Variants in ADAMTSL1 observed in about 807,000 individuals in gnomAD.
ADAMTSL1 encodes the protein ADAMTS-like protein 1.
A neutral mutation model predicts 201.8 loss-of-function variants in ADAMTSL1; 126 were observed. That is an observed-to-expected ratio of 0.62 (90% CI 0.54 to 0.72). The LOEUF (loss-of-function observed/expected upper bound fraction) is 0.72, where lower values mean the gene tolerates loss of function less well. Ranked by LOEUF, ADAMTSL1 falls within the 30% of genes least tolerant of loss-of-function variation. ADAMTSL1 has a pLI of 0.00. For synonymous variants in ADAMTSL1, 1,121 were observed against 903.4 expected (o/e 1.24, Z -4.32); for missense variants, 2,679 against 2,277.8 (o/e 1.18, Z -3.59).
chr9:18,561,157 C>A (rs1419161315), intron 3 of ADAMTSL1, among the ~76,000 whole-genome samples: 1 of 152,020 alleles, frequency 6.6e-6, no homozygotes, highest in Non-Finnish European at 1.5e-5. Flanking sequence ...CCACTTTCTC[C>A]TGTGGGCATT....
intron 1 of ADAMTSL1, among the ~76,000 whole-genome samples, chr9:17,987,255 G>C (rs1818965999): frequency 6.6e-6 from 1 of 152,060 alleles, no homozygotes; most frequent in African/African-American, 2.4e-5. Context: ...TTCACATCTT[G>C]TTTCCTTGTC....
chr9:18,063,934 G>T (rs528758501), intron 1 of ADAMTSL1, among the ~76,000 whole-genome samples: 1 of 151,982 alleles, frequency 6.6e-6, no homozygotes, highest in African/African-American at 2.4e-5. Context: ...TTTCCGTGCC[G>T]GTTTAGAATC....
chr9:18,504,770 A>C, intron 1 of ADAMTSL1, 59 bp from the exon 2 acceptor site: 1 of 1,613,532 alleles, frequency 6.2e-7, no homozygotes, highest in Non-Finnish European at 8.5e-7. Context: ...ACATTTTAGA[A>C]CACATGTTTC....
At chr9:18,531,990 C>T (rs895943004) in intron 2 of ADAMTSL1, among the ~76,000 whole-genome samples, 6 of 152,136 alleles carry the variant, frequency 3.9e-5, no homozygotes, top group East Asian at 3.9e-4. Context: ...TCTATCTCTC[C>T]GGGTTTTTGA....
At chr9:18,090,975 C>T (rs10963442) in intron 1 of ADAMTSL1, among the ~76,000 whole-genome samples, 12,070 of 151,904 alleles carry the variant, frequency 0.079, 822 homozygotes, top group East Asian at 0.37. Flanking sequence ...CACTTGCTTT[C>T]GCAGGTTCTC....
intron 1 of ADAMTSL1, among the ~76,000 whole-genome samples, chr9:17,958,717 G>A (rs963402130): frequency 6.6e-6 from 1 of 152,044 alleles, no homozygotes; most frequent in South Asian, 2.1e-4. Flanking sequence ...ACCCAAACCC[G>A]TATTTCTTCC....
At chr9:18,040,927 A>C (rs1045292115) in intron 1 of ADAMTSL1, among the ~76,000 whole-genome samples, 24 of 152,200 alleles carry the variant, frequency 1.6e-4, no homozygotes, top group African/African-American at 5.8e-4. Context: ...AAATAAACTC[A>C]TTTGGCACCA....
In ADAMTSL1 at chr9:17,907,837, A is replaced by T. The variant is rs1825783120; in HGVS notation, c.87+915A>T. 3.9e-5 allele frequency among the ~76,000 whole-genome samples: 6 copies of T among 152,146 alleles called. No homozygotes were observed. In the South Asian group the frequency reaches 1.2e-3, roughly 32 times the overall value. ...ATTGCTTAAAACCCACGAATTGGGC[A>T]GTTTGTACATAATTTAGCCTCCATA... On this transcript the variant is annotated intron_variant, in intron 1 of 29. Transcript: ENST00000680146.
At chr9:18,732,713 CAA>C (rs1354736876) in intron 15 of ADAMTSL1, among the ~76,000 whole-genome samples, 2 of 151,862 alleles carry the variant, frequency 1.3e-5, no homozygotes. Context: ...AAAGAAGGAA[CAA>C]AGAGAGTAAA....
intron 1 of ADAMTSL1, among the ~76,000 whole-genome samples, chr9:18,066,039 TTC>T (rs758784076): frequency 1.1e-4 from 17 of 149,518 alleles, no homozygotes; most frequent in Non-Finnish European, 1.9e-4. Flanking sequence ...CAATGACCAG[TTC>T]TCCCTTATTT....
rs149701097 is a variant in ADAMTSL1, at chr9:18,724,683, G to A, written c.2006+3018G>A. 1.5e-3 allele frequency among the ~76,000 whole-genome samples: 223 copies of A among 152,250 alleles called. 3 individuals are homozygous for A. Among genetic ancestry groups the A allele is most frequent in the African/African-American group, 5.2e-3 (217 of 41,544 alleles). ...GTATAATGTTTGACACATAGTAGAT[G>A]ATTATTAAGTGTTTATTATATAAAT... On this transcript the variant is annotated intron_variant, in intron 15 of 28. Transcript: ENST00000380548.
intron 1 of ADAMTSL1, among the ~76,000 whole-genome samples, chr9:17,950,627 C>T (rs1316671138): frequency 6.6e-6 from 1 of 151,818 alleles, no homozygotes; most frequent in Non-Finnish European, 1.5e-5. Flanking sequence ...CATAAGAGAA[C>T]TGGTTCATGA....
chr9:18,697,278 T>A (rs1831618450), intron 13 of ADAMTSL1, among the ~76,000 whole-genome samples: 1 of 152,210 alleles, frequency 6.6e-6, no homozygotes. Context: ...ATATATTTTC[T>A]ACCAGACAAA....
chr9:18,235,845 G>T (rs1490835376), intron 2 of ADAMTSL1, among the ~76,000 whole-genome samples: 3 of 152,136 alleles, frequency 2.0e-5, no homozygotes, highest in Admixed American at 6.5e-5. Flanking sequence ...CTCTTGCTGA[G>T]AATTTTTCAC....
At chr9:18,453,088 C>G (rs905444979) in intron 2 of ADAMTSL1, among the ~76,000 whole-genome samples, 101 of 152,322 alleles carry the variant, frequency 6.6e-4, no homozygotes, top group African/African-American at 2.4e-3. Flanking sequence ...GCCATGCCCG[C>G]ACAGCTCTTG....
chr9:18,141,402 G>C (rs958082056), intron 1 of ADAMTSL1, among the ~76,000 whole-genome samples: 1 of 152,134 alleles, frequency 6.6e-6, no homozygotes, highest in African/African-American at 2.4e-5. Flanking sequence ...GCTGTCCCCA[G>C]AACACCAGGC....
chr9:17,917,663 T>A (rs941680732), intron 1 of ADAMTSL1, among the ~76,000 whole-genome samples: 1 of 152,040 alleles, frequency 6.6e-6, no homozygotes, highest in Admixed American at 6.6e-5. Flanking sequence ...TCTTGAAATA[T>A]CTTTGGTTTT....
intron 16 of ADAMTSL1, among the ~76,000 whole-genome samples, chr9:18,755,287 A>T (rs1383194218): frequency 6.6e-6 from 1 of 152,212 alleles, no homozygotes; most frequent in Non-Finnish European, 1.5e-5. Flanking sequence ...GCCAATCCTA[A>T]TAAAAGGTGA....
intron 3 of ADAMTSL1, among the ~76,000 whole-genome samples, chr9:18,542,031 A>T (rs372486212): frequency 6.6e-6 from 1 of 152,234 alleles, no homozygotes; most frequent in Non-Finnish European, 1.5e-5. Flanking sequence ...ATCCCAAGGC[A>T]TTGAAGGACA....
Sources: gnomAD v4.1 joint callset for allele counts (sites outside exome capture counted in the v4.1 genomes callset) on GRCh38, gnomAD v4.1.1 for gene constraint, MANE v1.5 for transcripts, NCBI Gene and HGNC (gene_info 2026-07-23, HGNC 2026-07-21) for gene names.